ZBTB8OS: variants seen among roughly 807,000 people sequenced by gnomAD.
ZBTB8OS encodes tRNA-splicing ligase-activating factor archease.
ZBTB8OS carries 16 observed loss-of-function variants against 29.3 expected under a neutral mutation model. The ratio of observed to expected loss-of-function variants is 0.55; its 90% CI spans 0.37 to 0.83. The LOEUF (loss-of-function observed/expected upper bound fraction) is 0.83. ZBTB8OS is among the 40% of genes least tolerant of loss of function. The pLI is 0.00. For synonymous variants in ZBTB8OS, 70 were observed against 64.6 expected (o/e 1.08, Z -0.40); for missense variants, 160 against 196.9 (o/e 0.81, Z 1.12).
intron 5 of ZBTB8OS, among the ~76,000 whole-genome samples, chr1:32,628,622 C>A (rs1167980779): frequency 3.5e-5 from 5 of 144,672 alleles, no homozygotes; most frequent in Non-Finnish European, 6.0e-5. Flanking sequence ...GGCAACAGAG[C>A]GAGACTCTGT....
Position 32,649,633 on chromosome 1 carries a change from A to AACACACAC in ZBTB8OS, c.97+792_97+799dup, listed in dbSNP as rs962422171. On this transcript the variant is annotated intron_variant, in intron 1 of 6. Transcript: ENST00000468695. ...GACAGAGCGAGACCCCATCTCTAAA[A>AACACACAC]ACACACACACACACACACACACACA... Among the ~76,000 whole-genome samples the AACACACAC allele has an allele frequency of 7.4e-3, 401 of 54,090 alleles. 2 individuals are homozygous for AACACACAC. The highest frequency in any genetic ancestry group is 0.021 in the African/African-American group (388 of 18,686). The allele number at this position is 54,090 out of a possible 152,430, so 35.5% of individuals were successfully genotyped here. A position where few individuals can be genotyped will look rare whatever the true frequency, so the allele number is the denominator to read the frequency against.
At chr1:32,630,109 GAAGAT>G (rs747589990) in intron 5 of ZBTB8OS, among the ~76,000 whole-genome samples, 3 of 152,088 alleles carry the variant, frequency 2.0e-5, no homozygotes, top group Non-Finnish European at 2.9e-5. Context: ...AAAACACAGA[GAAGAT>G]AATAAAAGAT....
At chr1:32,630,454 G>C (rs1645458902) in intron 5 of ZBTB8OS, among the ~76,000 whole-genome samples, 2 of 152,236 alleles carry the variant, frequency 1.3e-5, no homozygotes, top group South Asian at 4.2e-4. Flanking sequence ...TTGGGAGGCT[G>C]AGAAAGGAGG....
intron 5 of ZBTB8OS, among the ~76,000 whole-genome samples, chr1:32,629,052 T>C (rs1645340572): frequency 6.6e-6 from 1 of 152,176 alleles, no homozygotes; most frequent in South Asian, 2.1e-4. Flanking sequence ...AAACATTGTT[T>C]AGTAAATATT....
chr1:32,647,610 C>CA (rs1646956783), intron 1 of ZBTB8OS, among the ~76,000 whole-genome samples: 1 of 152,100 alleles, frequency 6.6e-6, no homozygotes, highest in Non-Finnish European at 1.5e-5. Flanking sequence ...GCCTGAGCTC[C>CA]ACTTCCTTTC....
chr1:32,631,921 ATAGAC>A, intron 4 of ZBTB8OS, 42 bp from the exon 5 acceptor site: 1 of 1,133,540 alleles, frequency 8.8e-7, no homozygotes, highest in Non-Finnish European at 1.2e-6. Context: ...AAAGTTCATA[ATAGAC>A]TATCTACTAA....
At position 32,621,308 on chromosome 1, in the gene ZBTB8OS, A is replaced by T. The variant is rs777131367; in HGVS notation, c.*554T>A. The T allele has an allele frequency of 2.0e-5, 3 of 151,870 alleles. No homozygotes were observed. Among genetic ancestry groups the T allele is most frequent in the Non-Finnish European group, 4.4e-5 (3 of 68,234 alleles). The allele number at this position is 151,870 out of a possible 1,614,324, so 9.4% of individuals were successfully genotyped here. ...CAGCTACTCGGGAGGCTGAGGTAGG[A>T]GAATGGCGTGAACCCGGGAGGTGGA... On this transcript the variant is annotated 3_prime_UTR_variant, in exon 7 of 7. Transcript: ENST00000468695.
chr1:32,644,761 T>C lies in ZBTB8OS; in HGVS notation c.97+5672A>G, dbSNP rs138799311. ...TGTTTCACTGTGTTGCCCAGACTAA[T>C]CTGGAAATCCTGGGTTCAAGAAATC... is the stretch of plus-strand genomic sequence containing the variant. On this transcript the variant is annotated intron_variant, in intron 1 of 6. Coordinates refer to ENST00000468695, the MANE Select transcript of ZBTB8OS (RefSeq NM_178547.5). Among the ~76,000 whole-genome samples the C allele has an allele frequency of 8.9e-3, 1,288 of 144,542 alleles. 22 individuals are homozygous for C. The highest frequency in any genetic ancestry group is 0.031 in the African/African-American group (1,190 of 38,788). 94.8% of individuals were successfully genotyped at this position (144,542 alleles called of 152,430 possible). A position where few individuals can be genotyped will look rare whatever the true frequency, so the allele number is the denominator to read the frequency against.
At chr1:32,640,589 A>G (rs1188981262) in intron 1 of ZBTB8OS, among the ~76,000 whole-genome samples, 1 of 152,178 alleles carries the variant, frequency 6.6e-6, no homozygotes, top group Non-Finnish European at 1.5e-5. Context: ...ATCACAGCTC[A>G]CTACAGCTTA....
chr1:32,633,557 C>T, intron 4 of ZBTB8OS, 88 bp downstream of exon 4: 1 of 992,118 alleles, frequency 1.0e-6, no homozygotes, highest in Non-Finnish European at 1.5e-6. Context: ...GGTTTTGTTT[C>T]ACATGTCCTA....
intron 6 of ZBTB8OS, among the ~76,000 whole-genome samples, chr1:32,624,850 C>T (rs1337229819): frequency 1.3e-5 from 2 of 149,976 alleles, no homozygotes; most frequent in African/African-American, 4.9e-5. Flanking sequence ...GCTGAGATTA[C>T]ACCACTGCAC....
At position 32,628,123 on chromosome 1, in the gene ZBTB8OS, T is replaced by A. The variant is rs186671095; in HGVS notation, c.381-579A>T. Among the ~76,000 whole-genome samples, 86 of 151,208 alleles carry A rather than the reference T, an allele frequency of 5.7e-4. 1 individual carries two copies. Among genetic ancestry groups the A allele is most frequent in the African/African-American group, 2.0e-3 (82 of 41,108 alleles). ...ACTTTGGGAGGCCGAAGCAGGTGGA[T>A]CATCTGAGGTCGGCAGTTGAGGTCG... On this transcript the variant is annotated intron_variant, in intron 5 of 6. Coordinates refer to ENST00000468695, the MANE Select transcript of ZBTB8OS (RefSeq NM_178547.5).
At chr1:32,623,522 C>G (rs1644887403) in intron 6 of ZBTB8OS, among the ~76,000 whole-genome samples, 1 of 152,194 alleles carries the variant, frequency 6.6e-6, no homozygotes, top group Non-Finnish European at 1.5e-5. Context: ...AATCTACCAT[C>G]ATGCTGTATC....
intron 1 of ZBTB8OS, 49 bp from the exon 2 acceptor site, chr1:32,634,841 A>C: frequency 5.8e-6 from 7 of 1,206,580 alleles, no homozygotes; most frequent in Non-Finnish European, 7.4e-6. Flanking sequence ...CTTGACTCTC[A>C]AATCACACAC....
intron 1 of ZBTB8OS, among the ~76,000 whole-genome samples, chr1:32,647,129 CG>C (rs1229254093): frequency 7.0e-6 from 1 of 142,390 alleles, no homozygotes; most frequent in African/African-American, 2.6e-5. Context: ...CCGAGGCGGG[CG>C]GATCACCTGA....
intron 6 of ZBTB8OS, among the ~76,000 whole-genome samples, chr1:32,623,304 G>A (rs1051225936): frequency 2.0e-5 from 3 of 152,172 alleles, no homozygotes; most frequent in African/African-American, 7.2e-5. Flanking sequence ...GTATCACCCT[G>A]AGTGTATGTC....
intron 1 of ZBTB8OS, among the ~76,000 whole-genome samples, chr1:32,636,595 CAGG>C (rs1419965735): frequency 6.6e-6 from 1 of 151,164 alleles, no homozygotes; most frequent in African/African-American, 2.4e-5. Flanking sequence ...GAGGCTGAGG[CAGG>C]AGAATAGCTT....
chr1:32,647,040 T>TGAAA (rs1646893154), intron 1 of ZBTB8OS, among the ~76,000 whole-genome samples: 1 of 4,042 alleles, frequency 2.5e-4, no homozygotes, highest in Non-Finnish European at 7.4e-4. Context: ...AGATACTGTC[T>TGAAA]CAAAAAAAAA....
chr1:32,627,696 T>C (rs926358634), intron 5 of ZBTB8OS, 152 bp from the exon 6 acceptor site: 5 of 675,810 alleles, frequency 7.4e-6, no homozygotes, highest in African/African-American at 7.2e-5. Context: ...TGTCAGAAGA[T>C]ACAGCTGTTG....
Sources: allele counts gnomAD v4.1 joint callset (sites outside exome capture counted in the v4.1 genomes callset), GRCh38; gene constraint gnomAD v4.1.1; transcripts MANE v1.5; gene names NCBI Gene and HGNC (gene_info 2026-07-23, HGNC 2026-07-21).